The following THSD4 variants were observed in gnomAD, a reference collection of about 807,000 sequenced individuals.
THSD4 encodes thrombospondin type-1 domain-containing protein 4.
In THSD4, 69 loss-of-function variants were observed where a neutral mutation model predicts 119.0. The ratio of observed to expected loss-of-function variants is 0.58; its 90% CI spans 0.48 to 0.71. The LOEUF (loss-of-function observed/expected upper bound fraction) is 0.71. Ranked by LOEUF, THSD4 falls within the 30% of genes least tolerant of loss-of-function variation. THSD4 has a pLI of 0.00. For missense variants in THSD4, 1,393 were observed against 1,391.1 expected (o/e 1.00, Z -0.02); for synonymous variants, 524 against 540.4 (o/e 0.97, Z 0.42).
chr15:71,597,136 G>A (rs575583602), intron 7 of THSD4, among the ~76,000 whole-genome samples: 76 of 152,184 alleles, frequency 5.0e-4, no homozygotes, highest in African/African-American at 1.8e-3. Flanking sequence ...TCTGGGTGGG[G>A]CCATTGACCA....
intron 7 of THSD4, among the ~76,000 whole-genome samples, chr15:71,517,382 C>T (rs180986785): frequency 2.6e-5 from 4 of 152,322 alleles, no homozygotes; most frequent in Non-Finnish European, 2.9e-5. Flanking sequence ...CTTCCTCTTG[C>T]TTCACCTGTG....
intron 7 of THSD4, among the ~76,000 whole-genome samples, chr15:71,534,995 ACAT>A (rs1312939066): frequency 2.0e-5 from 3 of 152,338 alleles, no homozygotes; most frequent in African/African-American, 7.2e-5. Context: ...TATAATTTAT[ACAT>A]CATCCAATTC....
At chr15:71,203,994 G>A (rs1272578211) in intron 3 of THSD4, among the ~76,000 whole-genome samples, 2 of 152,176 alleles carry the variant, frequency 1.3e-5, no homozygotes, top group Non-Finnish European at 2.9e-5. Context: ...CCAGAAGCCA[G>A]CACTCTTTAT....
chr15:71,625,416 A>G lies in THSD4; in HGVS notation c.1153-35114A>G, dbSNP rs189614399. Among the ~76,000 whole-genome samples the G allele has an allele frequency of 1.5e-4, 23 of 152,348 alleles. No homozygotes were observed. The East Asian group carries it at 4.2e-3, about 28-fold the overall frequency. ...CTTCAAGAGACTAAATCTCAAAGAAAGAGCTTCTTGAGGAACTGAGGAGTA... is the reference window on the plus strand; with the variant it reads ...CTTCAAGAGACTAAATCTCAAAGAAGGAGCTTCTTGAGGAACTGAGGAGTA... On this transcript the variant is annotated intron_variant, in intron 7 of 17. Coordinates refer to ENST00000261862, the MANE Select transcript of THSD4 (RefSeq NM_024817.3).
chr15:71,424,191 G>C (rs1278490210), intron 7 of THSD4, among the ~76,000 whole-genome samples: 5 of 152,072 alleles, frequency 3.3e-5, no homozygotes, highest in Admixed American at 6.5e-5. Context: ...TTTAATAAAT[G>C]GTTGTTAAAT....
At chr15:71,429,935 A>G (rs1404939722) in intron 7 of THSD4, among the ~76,000 whole-genome samples, 1 of 152,218 alleles carries the variant, frequency 6.6e-6, no homozygotes, top group Non-Finnish European at 1.5e-5. Flanking sequence ...AGATATTTTT[A>G]TGGAAACAGA....
At chr15:71,313,219 G>T (rs1480642504) in intron 6 of THSD4, among the ~76,000 whole-genome samples, 1 of 152,118 alleles carries the variant, frequency 6.6e-6, no homozygotes, top group African/African-American at 2.4e-5. Context: ...AGTTATTCAA[G>T]CCTTAGTCAC....
chr15:71,716,052 C>T (rs2052601441), intron 8 of THSD4, among the ~76,000 whole-genome samples: 2 of 152,186 alleles, frequency 1.3e-5, no homozygotes, highest in Admixed American at 6.5e-5. Context: ...AAGGTGTCAG[C>T]AGGATTGGTT....
intron 7 of THSD4, among the ~76,000 whole-genome samples, chr15:71,601,153 C>T (rs566039311): frequency 1.4e-4 from 22 of 152,256 alleles, no homozygotes; most frequent in African/African-American, 4.8e-4. Flanking sequence ...ATGTTGGAAG[C>T]GAGATTTGAG....
chr15:71,131,468 T>C (rs1262401829), intron 1 of THSD4, among the ~76,000 whole-genome samples: 1 of 146,682 alleles, frequency 6.8e-6, no homozygotes, highest in Non-Finnish European at 1.5e-5. Context: ...AGACTCCATC[T>C]GAAAAAAAAA....
intron 1 of THSD4, among the ~76,000 whole-genome samples, chr15:71,140,152 T>C (rs2040589044): frequency 6.6e-6 from 1 of 152,246 alleles, no homozygotes; most frequent in Non-Finnish European, 1.5e-5. Flanking sequence ...ACCATATTAG[T>C]TCATTTTGCA....
rs566791252 is a variant in THSD4, at chr15:71,489,024, T to A, written c.1152+77201T>A. Among the ~76,000 whole-genome samples the A allele has an allele frequency of 2.2e-4, 34 of 152,346 alleles. No individual in the cohort carries two copies. In the South Asian group the frequency reaches 7.0e-3, roughly 32 times the overall value. ...AAGTGTGTTCAGAGGGTCCCGCCAG[T>A]CCCTTTGCCATAGCTTCTCCCATCA... On this transcript the variant is annotated intron_variant, in intron 7 of 17. Coordinates refer to ENST00000261862, the MANE Select transcript of THSD4 (RefSeq NM_024817.3).
intron 4 of THSD4, among the ~76,000 whole-genome samples, chr15:71,233,985 G>A (rs1273983144): frequency 3.9e-5 from 6 of 152,278 alleles, no homozygotes; most frequent in Admixed American, 1.3e-4. Context: ...GCAAGCTGTC[G>A]GCTGTGCTTC....
At chr15:71,466,802 C>T (rs1243377794) in intron 7 of THSD4, among the ~76,000 whole-genome samples, 2 of 152,196 alleles carry the variant, frequency 1.3e-5, no homozygotes, top group East Asian at 3.9e-4. Flanking sequence ...ATTCACATCA[C>T]CCCTTAGTCA....
chr15:71,341,387 A>G (rs908103557), intron 6 of THSD4: 36 of 1,611,848 alleles, frequency 2.2e-5, no homozygotes, highest in Non-Finnish European at 3.0e-5. Flanking sequence ...CAGAGAATCT[A>G]CATCTAAACC....
At chr15:71,388,921 G>A (rs559004620) in intron 6 of THSD4, among the ~76,000 whole-genome samples, 1 of 152,080 alleles carries the variant, frequency 6.6e-6, no homozygotes, top group Non-Finnish European at 1.5e-5. Context: ...CATGGGGGTG[G>A]TTCCCCCATA....
intron 7 of THSD4, among the ~76,000 whole-genome samples, chr15:71,571,302 G>C (rs2049350761): frequency 6.6e-6 from 1 of 151,948 alleles, no homozygotes; most frequent in Non-Finnish European, 1.5e-5. Context: ...CTCAGTGAAA[G>C]GGCTTCCCTG....
At chr15:71,301,709 A>T (rs12101527) in intron 6 of THSD4, among the ~76,000 whole-genome samples, 1,615 of 152,284 alleles carry the variant, frequency 0.011, 32 homozygotes, top group African/African-American at 0.035. Flanking sequence ...TCTCTGGGCT[A>T]CCTGGAGACC....
intron 6 of THSD4, among the ~76,000 whole-genome samples, chr15:71,363,444 T>C (rs1324144245): frequency 2.6e-5 from 4 of 152,072 alleles, no homozygotes; most frequent in African/African-American, 9.7e-5. Flanking sequence ...TACGCGTGTG[T>C]GTGTTTGTGA....
Sources: allele counts gnomAD v4.1 joint callset (sites outside exome capture counted in the v4.1 genomes callset), GRCh38; gene constraint gnomAD v4.1.1; transcripts MANE v1.5; gene names NCBI Gene and HGNC (gene_info 2026-07-23, HGNC 2026-07-21).